The following ADARB2 variants were observed in gnomAD, a reference collection of about 807,000 sequenced individuals.
ADARB2 encodes inactive double-stranded RNA-specific editase B2.
A neutral mutation model predicts 62.2 loss-of-function variants in ADARB2; 25 were observed. The observed-to-expected ratio is 0.40, with a 90% CI of 0.29 to 0.56. ADARB2 has a LOEUF of 0.56. ADARB2 is among the 20% of genes least tolerant of loss of function. The probability of loss-of-function intolerance (pLI) is 0.43; values close to 1 mark genes in which losing one functional copy is unlikely to be tolerated. For missense variants in ADARB2, 1,071 were observed against 1,077.4 expected (o/e 0.99, Z 0.08); for synonymous variants, 572 against 500.8 (o/e 1.14, Z -1.90).
intron 1 of ADARB2, among the ~76,000 whole-genome samples, chr10:1,641,072 C>T (rs1217343932): frequency 1.3e-5 from 2 of 152,092 alleles, no homozygotes; most frequent in Non-Finnish European, 2.9e-5. Context: ...GAAAGGTTAG[C>T]TAAATCTAAA....
chr10:1,672,407 C>A lies in ADARB2; in HGVS notation c.100+64644G>T, dbSNP rs1234223548. On this transcript the variant is annotated intron_variant, in intron 1 of 9. Transcript: ENST00000381312. ...TTCCCTCGACATTACCAACAATCTG[C>A]GGTTGAACTACAGACATACACCCAA... Among the ~76,000 whole-genome samples the A allele has an allele frequency of 2.0e-5, 3 of 152,150 alleles. No homozygotes were observed. The East Asian group carries it at 5.8e-4, about 29-fold the overall frequency.
chr10:1,600,964 G>A (rs1188050847), intron 1 of ADARB2, among the ~76,000 whole-genome samples: 2 of 152,168 alleles, frequency 1.3e-5, no homozygotes, highest in Admixed American at 6.5e-5. Flanking sequence ...TGATGACGGC[G>A]GCCGCAGAAG....
intron 1 of ADARB2, among the ~76,000 whole-genome samples, chr10:1,507,962 TC>T (rs1344573884): frequency 2.0e-5 from 3 of 152,090 alleles, no homozygotes; most frequent in African/African-American, 7.2e-5. Context: ...TCAGGGCTGT[TC>T]TTTAATTTTA....
At chr10:1,295,561 G>A (rs1311466666) in intron 3 of ADARB2, among the ~76,000 whole-genome samples, 3 of 152,130 alleles carry the variant, frequency 2.0e-5, no homozygotes, top group Non-Finnish European at 4.4e-5. Flanking sequence ...CTCTGGTGGT[G>A]GGAGTCTGGG....
chr10:1,239,966 C>T (rs866828028), intron 5 of ADARB2, among the ~76,000 whole-genome samples: 1 of 16,522 alleles, frequency 6.1e-5, no homozygotes, highest in African/African-American at 5.1e-4. Flanking sequence ...TCCCCTCTGC[C>T]TCCCGGTGTT....
intron 1 of ADARB2, among the ~76,000 whole-genome samples, chr10:1,534,176 G>A (rs565459424): frequency 1.6e-4 from 24 of 146,960 alleles, no homozygotes; most frequent in Middle Eastern, 3.5e-3. Flanking sequence ...TCACTTTGTC[G>A]CCCAGGCTGG....
At chr10:1,500,906 G>T (rs983592973) in intron 1 of ADARB2, among the ~76,000 whole-genome samples, 5 of 152,102 alleles carry the variant, frequency 3.3e-5, no homozygotes, top group Non-Finnish European at 5.9e-5. Flanking sequence ...AAAGAGTCTT[G>T]CTCTGTCTCC....
chr10:1,659,990 T>C (rs11817832), intron 1 of ADARB2, among the ~76,000 whole-genome samples: 184 of 100,080 alleles, frequency 1.8e-3, no homozygotes, highest in Middle Eastern at 7.7e-3. Context: ...CCTGCCTTCC[T>C]TCCTCTCCTC....
chr10:1,647,585 AGT>A (rs1301524370), intron 1 of ADARB2, among the ~76,000 whole-genome samples: 2 of 151,742 alleles, frequency 1.3e-5, no homozygotes, highest in Non-Finnish European at 2.9e-5. Context: ...GTGTGTGTAT[AGT>A]GTGTGTATAT....
At chr10:1,357,661 G>A (rs191524973) in intron 3 of ADARB2, among the ~76,000 whole-genome samples, 176 of 152,316 alleles carry the variant, frequency 1.2e-3, no homozygotes, top group Non-Finnish European at 1.8e-3. Flanking sequence ...GGATGGGAGC[G>A]ACATGAGCCA....
chr10:1,492,858 A>C (rs532603051), intron 1 of ADARB2, among the ~76,000 whole-genome samples: 1 of 152,134 alleles, frequency 6.6e-6, no homozygotes, highest in South Asian at 2.1e-4. Context: ...CTTGGACTTC[A>C]TGCCAAGTAC....
intron 1 of ADARB2, among the ~76,000 whole-genome samples, chr10:1,394,203 G>T (rs1037107720): frequency 5.9e-5 from 9 of 152,194 alleles, no homozygotes. Flanking sequence ...AATTCCTCAC[G>T]TCCTACTGGA....
chr10:1,299,284 A>G (rs890946884), intron 3 of ADARB2, among the ~76,000 whole-genome samples: 1 of 151,982 alleles, frequency 6.6e-6, no homozygotes, highest in African/African-American at 2.4e-5. Context: ...CAGGAAGTGC[A>G]GAACCAGTGT....
intron 3 of ADARB2, among the ~76,000 whole-genome samples, chr10:1,302,126 CT>C (rs1831578638): frequency 6.6e-6 from 1 of 152,262 alleles, no homozygotes; most frequent in African/African-American, 2.4e-5. Context: ...CCAGGTTCAT[CT>C]CACTAGGGAG....
chr10:1,280,556 T>C (rs982055887), intron 3 of ADARB2, among the ~76,000 whole-genome samples: 1 of 151,092 alleles, frequency 6.6e-6, no homozygotes, highest in African/African-American at 2.5e-5. Flanking sequence ...AATTCCTAAG[T>C]GATGCTCCGT....
At position 1,233,865 on chromosome 10, in the gene ADARB2, T is replaced by C. The variant is rs1830834242; in HGVS notation, c.1362-20A>G. On this transcript the variant is annotated intron_variant, in intron 5 of 9. Coordinates refer to ENST00000381312, the MANE Select transcript of ADARB2 (RefSeq NM_018702.4). ...CGCTTGCTAGGGTCACAAAGAGGTT[T>C]GGGGTCATTTATCACAAACCAAACC... The C allele has an allele frequency of 6.2e-7, 1 of 1,607,918 alleles. No homozygotes were observed. The highest frequency in any genetic ancestry group is 1.7e-5 in the Admixed American group (1 of 59,464).
At chr10:1,381,278 G>A (rs1452195736) in intron 1 of ADARB2, among the ~76,000 whole-genome samples, 1 of 152,210 alleles carries the variant, frequency 6.6e-6, no homozygotes, top group Non-Finnish European at 1.5e-5. Context: ...CTCCAAGGAA[G>A]ATGTACTAAT....
intron 3 of ADARB2, among the ~76,000 whole-genome samples, chr10:1,330,778 A>G (rs1831921462): frequency 6.6e-6 from 1 of 152,234 alleles, no homozygotes; most frequent in South Asian, 2.1e-4. Flanking sequence ...AAAGTTTGGT[A>G]CTTTAAAGGA....
rs1167232261 is a variant in ADARB2 at position 1,704,688 on chromosome 10, A to G, written c.100+32363T>C. On this transcript the variant is annotated intron_variant, in intron 1 of 9. Transcript: ENST00000381312. The surrounding 1 kb of genome is among the most constrained non-coding windows in gnomAD (Gnocchi z 5.6). ...GGGGTTTTGTGAGGGGTACATATAA[A>G]GTGGTTTGGAATCATGTGGGATTAT... Among the ~76,000 whole-genome samples the G allele has an allele frequency of 6.6e-6, 1 of 152,212 alleles. No homozygotes were observed. Among genetic ancestry groups the G allele is most frequent in the Non-Finnish European group, 1.5e-5 (1 of 68,044 alleles).
Sources: gnomAD v4.1 joint callset for allele counts (sites outside exome capture counted in the v4.1 genomes callset) on GRCh38, gnomAD v4.1.1 for gene constraint, Gnocchi (gnomAD v3.1) non-coding constraint, MANE v1.5 for transcripts, NCBI Gene and HGNC (gene_info 2026-07-23, HGNC 2026-07-21) for gene names.